The following PXDNL variants were observed in gnomAD, a reference collection of about 807,000 sequenced individuals.
The protein encoded by PXDNL is peroxidasin like.
A neutral mutation model predicts 150.8 loss-of-function variants in PXDNL; 145 were observed. The ratio of observed to expected loss-of-function variants is 0.96; its 90% CI spans 0.84 to 1.10. The LOEUF (loss-of-function observed/expected upper bound fraction) is 1.10. Among genes scored for constraint, PXDNL ranks in the 50% least tolerant of loss-of-function variants. The probability of loss-of-function intolerance (pLI) is 0.00; values close to 1 mark genes in which losing one functional copy is unlikely to be tolerated. For missense variants in PXDNL, 2,087 were observed against 1,873.9 expected, an observed-to-expected ratio of 1.11 and a Z score of -2.10; for synonymous variants, 757 against 725.7, an observed-to-expected ratio of 1.04 and a Z score of -0.69.
intron 1 of PXDNL, among the ~76,000 whole-genome samples, chr8:51,799,387 TTAAAA>T (rs1216687394): frequency 6.6e-6 from 1 of 152,184 alleles, no homozygotes; most frequent in Non-Finnish European, 1.5e-5. Flanking sequence ...ATCCTGGAAC[TTAAAA>T]TTAAATTAAA....
chr8:51,612,438 T>A (rs1244279652), intron 2 of PXDNL, among the ~76,000 whole-genome samples: 2 of 152,188 alleles, frequency 1.3e-5, no homozygotes, highest in African/African-American at 2.4e-5. Context: ...TCTCTGCATC[T>A]CTGGTGTTTG....
intron 2 of PXDNL, among the ~76,000 whole-genome samples, chr8:51,610,827 C>G (rs780123458): frequency 6.6e-6 from 1 of 152,304 alleles, no homozygotes; most frequent in South Asian, 2.1e-4. Flanking sequence ...TCATGGCATA[C>G]TCTGTTTCTT....
chr8:51,611,273 C>T (rs1300091963), intron 2 of PXDNL, among the ~76,000 whole-genome samples: 3 of 151,838 alleles, frequency 2.0e-5, no homozygotes, highest in Admixed American at 1.3e-4. Context: ...TTATTAGAAA[C>T]AGAAATAAGT....
intron 19 of PXDNL, among the ~76,000 whole-genome samples, chr8:51,369,528 A>G (rs1328390211): frequency 2.0e-5 from 3 of 152,206 alleles, no homozygotes; most frequent in Admixed American, 6.5e-5. Context: ...GGAAAAATAC[A>G]CATGTATCCA....
chr8:51,616,432 G>A (rs780978150), intron 2 of PXDNL, among the ~76,000 whole-genome samples: 11 of 152,072 alleles, frequency 7.2e-5, no homozygotes, highest in Non-Finnish European at 1.3e-4. Context: ...CTAAACTGAA[G>A]AATGTATTTC....
intron 17 of PXDNL, among the ~76,000 whole-genome samples, chr8:51,378,529 A>C (rs916344751): frequency 1.3e-5 from 2 of 152,242 alleles, no homozygotes; most frequent in Non-Finnish European, 2.9e-5. Context: ...GTGAAAAAGC[A>C]GGCTGCCCCA....
At chr8:51,556,756 C>T in intron 4 of PXDNL, 84 bp downstream of exon 4, 1 of 740,566 alleles carries the variant, frequency 1.4e-6, no homozygotes, top group Non-Finnish European at 2.4e-6. Flanking sequence ...AATAATTGTT[C>T]AACTATCACA....
intron 2 of PXDNL, among the ~76,000 whole-genome samples, chr8:51,641,382 C>A (rs1309502512): frequency 6.7e-6 from 1 of 149,796 alleles, no homozygotes; most frequent in African/African-American, 2.5e-5. Context: ...AGAGCTTCTG[C>A]ACAGCAAAAG....
At chr8:51,498,288 G>A (rs1347458047) in intron 5 of PXDNL, among the ~76,000 whole-genome samples, 4 of 133,696 alleles carry the variant, frequency 3.0e-5, no homozygotes, top group Non-Finnish European at 4.7e-5. Context: ...TTGTGGGGTC[G>A]GGGGAGGGGG....
At chr8:51,599,491 A>G (rs1293448250) in intron 2 of PXDNL, among the ~76,000 whole-genome samples, 1 of 151,276 alleles carries the variant, frequency 6.6e-6, no homozygotes, top group Non-Finnish European at 1.5e-5. Context: ...ATTCAGAAAC[A>G]AGTTGTTTAA....
At chr8:51,697,028 G>C (rs1816163062) in intron 1 of PXDNL, among the ~76,000 whole-genome samples, 1 of 152,200 alleles carries the variant, frequency 6.6e-6, no homozygotes, top group South Asian at 2.1e-4. Flanking sequence ...AATAGGCCAG[G>C]CACAGTGGCT....
intron 2 of PXDNL, among the ~76,000 whole-genome samples, chr8:51,637,798 C>A (rs577442761): frequency 3.7e-4 from 56 of 152,280 alleles, no homozygotes; most frequent in African/African-American, 1.3e-3. Flanking sequence ...TCCAGGAGAA[C>A]TTCCCCAACA....
At chr8:51,381,204 C>T (rs1807525909) in intron 17 of PXDNL, among the ~76,000 whole-genome samples, 1 of 152,106 alleles carries the variant, frequency 6.6e-6, no homozygotes, top group South Asian at 2.1e-4. Flanking sequence ...CCTTTGGAAC[C>T]ACCCAAATTA....
intron 17 of PXDNL, among the ~76,000 whole-genome samples, chr8:51,403,824 T>C (rs960469685): frequency 6.6e-6 from 1 of 152,218 alleles, no homozygotes; most frequent in African/African-American, 2.4e-5. Flanking sequence ...TGTTCGGAAT[T>C]GGTGAGGTCT....
At chr8:51,382,315 C>T (rs1227403071) in intron 17 of PXDNL, among the ~76,000 whole-genome samples, 6 of 152,130 alleles carry the variant, frequency 3.9e-5, no homozygotes, top group African/African-American at 7.2e-5. Flanking sequence ...CCTGAGGAAG[C>T]GTGGCCCTGC....
intron 1 of PXDNL, among the ~76,000 whole-genome samples, chr8:51,726,020 C>A (rs1193879404): frequency 6.6e-6 from 1 of 152,218 alleles, no homozygotes; most frequent in Non-Finnish European, 1.5e-5. Flanking sequence ...TCAGCTTTAA[C>A]TGTAAAATAA....
At chr8:51,628,942 T>C (rs989088539) in intron 2 of PXDNL, among the ~76,000 whole-genome samples, 2 of 152,114 alleles carry the variant, frequency 1.3e-5, no homozygotes, top group East Asian at 3.9e-4. Context: ...ATATTATCTA[T>C]TCAAAATATC....
At chr8:51,391,686 G>T (rs1807914994) in intron 17 of PXDNL, among the ~76,000 whole-genome samples, 2 of 152,104 alleles carry the variant, frequency 1.3e-5, no homozygotes, top group Non-Finnish European at 2.9e-5. Flanking sequence ...CATTTTGTAT[G>T]TTGCCTGTTC....
intron 4 of PXDNL, among the ~76,000 whole-genome samples, chr8:51,546,140 T>C (rs80337055): frequency 0.024 from 3,675 of 152,300 alleles, 159 homozygotes; most frequent in African/African-American, 0.083. Flanking sequence ...AGCAGCTGCT[T>C]GCTGCTACAA....
Sources: gnomAD v4.1 joint callset for allele counts (sites outside exome capture counted in the v4.1 genomes callset) on GRCh38, gnomAD v4.1.1 for gene constraint, MANE v1.5 for transcripts, NCBI Gene and HGNC (gene_info 2026-07-23, HGNC 2026-07-21) for gene names.